The following TCF4 variants were observed in gnomAD, a reference collection of about 807,000 sequenced individuals.
TCF4 encodes the protein SL3-3 enhancer factor 2.
In TCF4, 3 loss-of-function variants were observed where a neutral mutation model predicts 82.1. The observed-to-expected ratio is 0.04, with a 90% CI of 0.02 to 0.09. TCF4 has a LOEUF of 0.09. Ranked by LOEUF, TCF4 falls within the 10% of genes least tolerant of loss-of-function variation. The pLI, the probability that TCF4 is intolerant of heterozygous loss-of-function variation, is 1.00. For missense variants in TCF4, 518 were observed against 852.7 expected, an observed-to-expected ratio of 0.61 and a Z score of 4.89; for synonymous variants, 276 against 309.6, an observed-to-expected ratio of 0.89 and a Z score of 1.14.
At chr18:55,537,560 T>G (rs1243437562) in intron 3 of TCF4, among the ~76,000 whole-genome samples, 1 of 147,082 alleles carries the variant, frequency 6.8e-6, no homozygotes, top group Non-Finnish European at 1.6e-5. Context: ...GCCACTGCAC[T>G]CCAGCCTGAG....
At chr18:55,580,185 GAAAATGTAACATT>G (rs2097563206) in intron 3 of TCF4, among the ~76,000 whole-genome samples, 2 of 151,918 alleles carry the variant, frequency 1.3e-5, no homozygotes, top group African/African-American at 4.8e-5. Flanking sequence ...TCTGAATTTA[GAAAATGTAACATT>G]TTAAGCACAT....
intron 8 of TCF4, among the ~76,000 whole-genome samples, chr18:55,294,795 A>T (rs2146721927): frequency 6.6e-6 from 1 of 152,170 alleles, no homozygotes; most frequent in Non-Finnish European, 1.5e-5. Context: ...TTTTACTTTT[A>T]TTATTGTAGG....
chr18:55,435,966 A>T (rs1027221955), intron 5 of TCF4, among the ~76,000 whole-genome samples: 1 of 152,220 alleles, frequency 6.6e-6, no homozygotes, highest in African/African-American at 2.4e-5. Context: ...AGTATGTGAC[A>T]CAAGTCTGAT....
Position 55,235,548 on chromosome 18 carries a change from C to G in TCF4, c.1351-865G>C, listed in dbSNP as rs554182506. Among the ~76,000 whole-genome samples the G allele has an allele frequency of 2.0e-4, 31 of 152,134 alleles. No homozygotes were observed. In the South Asian group the frequency reaches 6.4e-3, roughly 32 times the overall value. On this transcript the variant is annotated intron_variant, in intron 15 of 19. Transcript: ENST00000354452. The stretch of plus-strand genomic sequence containing the variant: ...ACTTCATTAAAAAAATACTGCTGAG[C>G]TTTTTATTAACTACTACTATCGACT...
chr18:55,316,166 C>T (rs1180939401), intron 8 of TCF4, among the ~76,000 whole-genome samples: 2 of 151,906 alleles, frequency 1.3e-5, no homozygotes, highest in African/African-American at 2.4e-5. Flanking sequence ...TTTATGTGTC[C>T]GCATACTGAA....
intron 3 of TCF4, chr18:55,510,777 G>A (rs766371316): frequency 8.4e-5 from 105 of 1,245,136 alleles, no homozygotes; most frequent in South Asian, 2.8e-4. Context: ...AATGATGACC[G>A]TAGATTTTAA....
At chr18:55,424,304 A>G (rs1201994099) in intron 5 of TCF4, among the ~76,000 whole-genome samples, 1 of 152,182 alleles carries the variant, frequency 6.6e-6, no homozygotes, top group Admixed American at 6.5e-5. Flanking sequence ...CTGTCTCAAG[A>G]TTTTGTGTCT....
At chr18:55,302,562 G>A in intron 8 of TCF4, 2 of 1,535,104 alleles carry the variant, frequency 1.3e-6, no homozygotes, top group Non-Finnish European at 1.7e-6. Context: ...GGAGCAAGCA[G>A]GACCACAGCC....
At chr18:55,563,616 C>CGAGG (rs2147364106) in intron 3 of TCF4, among the ~76,000 whole-genome samples, 1 of 152,328 alleles carries the variant, frequency 6.6e-6, no homozygotes, top group South Asian at 2.1e-4. Flanking sequence ...TTAGGCTGTG[C>CGAGG]CCTCCACAAG....
chr18:55,405,975 G>T (rs899485841), intron 5 of TCF4, among the ~76,000 whole-genome samples: 2 of 152,128 alleles, frequency 1.3e-5, no homozygotes, highest in African/African-American at 4.8e-5. Flanking sequence ...ACTCCTGTTT[G>T]TGTGGGGGAG....
intron 6 of TCF4, among the ~76,000 whole-genome samples, chr18:55,388,692 C>A (rs781058288): frequency 9.2e-5 from 14 of 152,152 alleles, no homozygotes; most frequent in Non-Finnish European, 1.9e-4. Flanking sequence ...CCAACTTTAT[C>A]CAGTGCTAAA....
intron 5 of TCF4, among the ~76,000 whole-genome samples, chr18:55,407,592 T>C (rs2094154933): frequency 6.6e-6 from 1 of 151,110 alleles, no homozygotes; most frequent in South Asian, 2.1e-4. Flanking sequence ...AAGGATTCAC[T>C]TGCTTCCCCT....
At chr18:55,364,502 T>C (rs1188862743) in intron 6 of TCF4, among the ~76,000 whole-genome samples, 1 of 152,238 alleles carries the variant, frequency 6.6e-6, no homozygotes, top group Non-Finnish European at 1.5e-5. Flanking sequence ...GCAAATTCTG[T>C]GGTTTATATT....
At chr18:55,282,008 C>A (rs1173956302) in intron 8 of TCF4, among the ~76,000 whole-genome samples, 2 of 151,926 alleles carry the variant, frequency 1.3e-5, no homozygotes, top group African/African-American at 4.8e-5. Flanking sequence ...TGTTAATAGG[C>A]AACGGACCAC....
At chr18:55,316,053 A>G (rs945002240) in intron 8 of TCF4, among the ~76,000 whole-genome samples, 1 of 152,100 alleles carries the variant, frequency 6.6e-6, no homozygotes, top group Non-Finnish European at 1.5e-5. Flanking sequence ...AAAAACTTGA[A>G]AAAGCTTAAA....
chr18:55,287,464 G>A (rs925393559), intron 8 of TCF4, among the ~76,000 whole-genome samples: 13 of 152,180 alleles, frequency 8.5e-5, no homozygotes, highest in African/African-American at 2.7e-4. Context: ...TCCCGTTTTA[G>A]GAAGTCACAA....
chr18:55,354,153 T>C (rs1180464359), intron 6 of TCF4, among the ~76,000 whole-genome samples: 1 of 152,294 alleles, frequency 6.6e-6, no homozygotes, highest in Non-Finnish European at 1.5e-5. Flanking sequence ...TAATTTTTTT[T>C]CCCAAAAGAC....
At chr18:55,571,134 A>G (rs530092141) in intron 3 of TCF4, among the ~76,000 whole-genome samples, 2 of 152,316 alleles carry the variant, frequency 1.3e-5, no homozygotes, top group South Asian at 2.1e-4. Flanking sequence ...CAAGAGAAAC[A>G]TACAAGAAAG....
intron 5 of TCF4, among the ~76,000 whole-genome samples, chr18:55,447,926 GAAAAGGCTT>G (rs2095554035): frequency 6.9e-6 from 1 of 145,678 alleles, no homozygotes; most frequent in South Asian, 2.2e-4. Flanking sequence ...GTAGCCACTA[GAAAAGGCTT>G]TCGCTCTGAA....
Sources: gnomAD v4.1 joint callset for allele counts (sites outside exome capture counted in the v4.1 genomes callset) on GRCh38, gnomAD v4.1.1 for gene constraint, MANE v1.5 for transcripts, NCBI Gene and HGNC (gene_info 2026-07-23, HGNC 2026-07-21) for gene names.